UCKL1: variants seen among roughly 807,000 people sequenced by gnomAD.
UCKL1 encodes the protein uridine-cytidine kinase 1 like 1.
UCKL1 carries 65 observed loss-of-function variants against 59.2 expected under a neutral mutation model. That is an observed-to-expected ratio of 1.10 (90% CI 0.90 to 1.35). The LOEUF (loss-of-function observed/expected upper bound fraction) is 1.35. Ranked by LOEUF, UCKL1 falls within the 40% of genes most tolerant of loss-of-function variation. The pLI, the probability that UCKL1 is intolerant of heterozygous loss-of-function variation, is 0.00. For missense variants in UCKL1, 703 were observed against 784.3 expected (o/e 0.90, Z 1.24); for synonymous variants, 410 against 323.1 (o/e 1.27, Z -2.88).
intron 1 of UCKL1, among the ~76,000 whole-genome samples, chr20:63,952,644 TG>T (rs2057840419): frequency 6.6e-6 from 1 of 152,224 alleles, no homozygotes; most frequent in Non-Finnish European, 1.5e-5. Flanking sequence ...GATGCCGCGC[TG>T]GGGTAAGCGC....
chr20:63,950,226 T>G (rs2057368860), intron 1 of UCKL1, among the ~76,000 whole-genome samples: 1 of 152,164 alleles, frequency 6.6e-6, no homozygotes, highest in Non-Finnish European at 1.5e-5. Flanking sequence ...TCTCCAAAGC[T>G]GGTCTGTCTC....
intron 1 of UCKL1, among the ~76,000 whole-genome samples, chr20:63,950,124 A>C (rs1051855278): frequency 1.3e-4 from 20 of 152,192 alleles, no homozygotes; most frequent in Admixed American, 1.2e-3. Context: ...GAACGGTCAC[A>C]AGCAGGCCAG....
Position 63,940,131 on chromosome 20 carries a change from AG to A in UCKL1, c.1567+18del, listed in dbSNP as rs1569008527. ...CCACCCTGCCCTCATGTGCGGCTGA[AG>A]GGCCCGGGCAGCCTCACCAATGCCT... On this transcript the variant is annotated intron_variant, in intron 14 of 14. Transcript: ENST00000354216. The A allele has an allele frequency of 6.2e-7, 1 of 1,612,212 alleles. No homozygotes were observed. The highest frequency in any genetic ancestry group is 2.2e-5 in the East Asian group (1 of 44,836).
At chr20:63,947,846 T>C (rs1346044078) in intron 1 of UCKL1, among the ~76,000 whole-genome samples, 1 of 152,246 alleles carries the variant, frequency 6.6e-6, no homozygotes, top group Non-Finnish European at 1.5e-5. Flanking sequence ...GGCATCTACA[T>C]GCACTGCACG....
At position 63,956,238 on chromosome 20, in the gene UCKL1, T is replaced by G. The variant is rs200406289; in HGVS notation, c.113+22A>C. 3.7e-5 allele frequency: 56 copies of G among 1,506,600 alleles called. No individual in the cohort carries two copies. The East Asian group carries it at 1.5e-3, about 39-fold the overall frequency. The allele number at this position is 1,506,600 out of a possible 1,614,324, so 93.3% of individuals were successfully genotyped here. A position where few individuals can be genotyped will look rare whatever the true frequency, so the allele number is the denominator to read the frequency against. Reference sequence around the variant, plus strand: ...AGCCCCTTCCCGCTCGCCAGTGGAGTGGAGGCGAGGCCCACGCCTACCGGT... The same window carrying G: ...AGCCCCTTCCCGCTCGCCAGTGGAGGGGAGGCGAGGCCCACGCCTACCGGT... On this transcript the variant is annotated intron_variant, in intron 1 of 14. Coordinates refer to ENST00000354216, the MANE Select transcript of UCKL1 (RefSeq NM_017859.4).
chr20:63,942,840 A>AC, intron 8 of UCKL1: 2 of 413,600 alleles, frequency 4.8e-6, no homozygotes. Flanking sequence ...ACCTGACGGG[A>AC]CAAGACCTGC....
intron 8 of UCKL1, among the ~76,000 whole-genome samples, chr20:63,941,893 G>T (rs1177238366): frequency 1.4e-5 from 2 of 147,124 alleles, no homozygotes; most frequent in East Asian, 2.1e-4. Flanking sequence ...GCAGGGGCAG[G>T]AAGAGGAAAG....
chr20:63,946,499 G>A lies in UCKL1; in HGVS notation c.258C>T (p.Pro86=). Residue 86 remains proline (P), a synonymous_variant, in exon 2 of 15, where the codon CCC becomes CCT. Coordinates refer to ENST00000354216, the MANE Select transcript of UCKL1 (RefSeq NM_017859.4). The stretch of plus-strand genomic sequence containing the variant: ...ATTGCGTGCCGTGTTCATTGTACCA[G>A]GGCGGCCGCCCGGCGGTGTAGATGG... ...KRTIYTAGRP[P]WYNEHGTQSK... 1 of 1,589,798 alleles carries A rather than the reference G, an allele frequency of 6.3e-7. No individual in the cohort carries two copies. Among genetic ancestry groups the A allele is most frequent in the Non-Finnish European group, 8.6e-7 (1 of 1,167,730 alleles).
chr20:63,940,081 G>T, intron 14 of UCKL1, 26 bp from the exon 15 acceptor site: 1 of 1,607,464 alleles, frequency 6.2e-7, no homozygotes, highest in Non-Finnish European at 8.5e-7. Flanking sequence ...GGGGGGTCCA[G>T]TGTGGTGGGG....
chr20:63,947,977 G>C (rs1476926291), intron 1 of UCKL1, among the ~76,000 whole-genome samples: 1 of 152,038 alleles, frequency 6.6e-6, no homozygotes, highest in Non-Finnish European at 1.5e-5. Context: ...GCTCAATATG[G>C]CCGAGTGCCC....
chr20:63,944,343 G>A, intron 7 of UCKL1, 54 bp downstream of exon 7: 1 of 1,504,224 alleles, frequency 6.6e-7, no homozygotes, highest in Non-Finnish European at 9.0e-7. Context: ...TGGCAGCGGA[G>A]AAGTGGGTAG....
chr20:63,950,780 C>G, intron 1 of UCKL1: 3 of 1,538,990 alleles, frequency 1.9e-6, no homozygotes, highest in Non-Finnish European at 2.6e-6. Context: ...TCCAAGGGCC[C>G]GGCACCCTGA....
Position 63,956,241 on chromosome 20 carries a change from A to G in UCKL1, c.113+19T>C. 3 of 1,512,030 alleles carry G rather than the reference A, an allele frequency of 2.0e-6. No homozygotes were observed. Among genetic ancestry groups the G allele is most frequent in the Non-Finnish European group, 2.7e-6 (3 of 1,131,962 alleles). 93.7% of individuals were successfully genotyped at this position (1,512,030 alleles called of 1,614,324 possible). The stretch of plus-strand genomic sequence containing the variant: ...CCCTTCCCGCTCGCCAGTGGAGTGG[A>G]GGCGAGGCCCACGCCTACCGGTCCT... On this transcript the variant is annotated intron_variant, in intron 1 of 14. Coordinates refer to ENST00000354216, the MANE Select transcript of UCKL1 (RefSeq NM_017859.4).
At chr20:63,947,281 A>G (rs1056343499) in intron 1 of UCKL1, among the ~76,000 whole-genome samples, 3 of 152,234 alleles carry the variant, frequency 2.0e-5, no homozygotes, top group Non-Finnish European at 4.4e-5. Context: ...TGGCTGGGCC[A>G]GGCTCTGTCC....
intron 1 of UCKL1, among the ~76,000 whole-genome samples, chr20:63,952,086 G>A (rs1773976369): frequency 6.6e-6 from 1 of 152,212 alleles, no homozygotes; most frequent in African/African-American, 2.4e-5. Context: ...ATCTGTCTGT[G>A]TCCACAGGTG....
At chr20:63,942,603 C>T in intron 8 of UCKL1, 1 of 689,252 alleles carries the variant, frequency 1.5e-6, no homozygotes, top group Non-Finnish European at 2.2e-6. Flanking sequence ...CAGGGCGTTC[C>T]CCGCAGGCCT....
intron 1 of UCKL1, among the ~76,000 whole-genome samples, chr20:63,949,592 C>T (rs1051122843): frequency 1.4e-4 from 21 of 152,238 alleles, no homozygotes; most frequent in African/African-American, 3.6e-4. Flanking sequence ...CACAGTGGGG[C>T]AGTCCTGCTT....
intron 1 of UCKL1, chr20:63,950,913 G>T: frequency 1.4e-6 from 2 of 1,406,140 alleles, no homozygotes; most frequent in South Asian, 1.6e-5. Context: ...AGCCGTGGGG[G>T]ACATCACCAC....
intron 7 of UCKL1, among the ~76,000 whole-genome samples, chr20:63,944,173 A>G (rs2055487797): frequency 1.3e-5 from 2 of 151,960 alleles, no homozygotes; most frequent in Admixed American, 6.6e-5. Flanking sequence ...CTGTACCCCC[A>G]CCCCAGCTTC....
Sources: gnomAD v4.1 joint callset for allele counts (sites outside exome capture counted in the v4.1 genomes callset) on GRCh38, gnomAD v4.1.1 for gene constraint, MANE v1.5 for transcripts, NCBI Gene and HGNC (gene_info 2026-07-23, HGNC 2026-07-21) for gene names.